Variants in DOCK3 observed in about 807,000 individuals in gnomAD.
The protein encoded by DOCK3 is dedicator of cytokinesis protein 3.
A neutral mutation model predicts 265.6 loss-of-function variants in DOCK3; 60 were observed. The ratio of observed to expected loss-of-function variants is 0.23; its 90% CI spans 0.18 to 0.28. The LOEUF (loss-of-function observed/expected upper bound fraction) is 0.28, where lower values mean the gene tolerates loss of function less well. Among genes scored for constraint, DOCK3 ranks in the 10% least tolerant of loss-of-function variants. DOCK3 has a pLI of 1.00. For missense variants in DOCK3, 1,981 were observed against 2,594.3 expected (o/e 0.76, Z 5.14); for synonymous variants, 881 against 938.0 (o/e 0.94, Z 1.11).
At chr3:50,829,597 T>C (rs2107080535) in intron 2 of DOCK3, among the ~76,000 whole-genome samples, 1 of 152,304 alleles carries the variant, frequency 6.6e-6, no homozygotes, top group African/African-American at 2.4e-5. Flanking sequence ...GTCAGGTGAA[T>C]GAGGAGCTCA....
intron 43 of DOCK3, 140 bp from the exon 44 acceptor site, chr3:51,356,822 T>G: frequency 1.0e-6 from 1 of 996,106 alleles, no homozygotes; most frequent in Non-Finnish European, 1.5e-6. Flanking sequence ...ACAACAGAAG[T>G]GGAAAGGGTC....
At chr3:51,288,534 A>G (rs1347986531) in intron 27 of DOCK3, among the ~76,000 whole-genome samples, 1 of 152,188 alleles carries the variant, frequency 6.6e-6, no homozygotes, top group Non-Finnish European at 1.5e-5. Context: ...TCTGGACACC[A>G]AACCTCCATG....
chr3:51,302,283 A>G (rs925212309), intron 27 of DOCK3, among the ~76,000 whole-genome samples: 2 of 152,012 alleles, frequency 1.3e-5, no homozygotes, highest in Non-Finnish European at 2.9e-5. Flanking sequence ...TTGCTCGGTA[A>G]ATTTTTCTCC....
At chr3:50,852,998 T>C (rs2046413420) in intron 3 of DOCK3, among the ~76,000 whole-genome samples, 1 of 152,202 alleles carries the variant, frequency 6.6e-6, no homozygotes, top group Admixed American at 6.5e-5. Context: ...AATTGGGATA[T>C]ATCCATCACC....
At chr3:50,997,225 A>G (rs368651114) in intron 5 of DOCK3, among the ~76,000 whole-genome samples, 12 of 152,230 alleles carry the variant, frequency 7.9e-5, no homozygotes, top group African/African-American at 2.9e-4. Flanking sequence ...AATTTTCATT[A>G]TGCCAAACAT....
At chr3:50,840,197 C>G (rs1274362593) in intron 2 of DOCK3, among the ~76,000 whole-genome samples, 1 of 152,140 alleles carries the variant, frequency 6.6e-6, no homozygotes, top group Non-Finnish European at 1.5e-5. Flanking sequence ...TTAACAATGC[C>G]TTTCACAGAG....
At chr3:51,067,454 T>C (rs865877895) in intron 6 of DOCK3, among the ~76,000 whole-genome samples, 6 of 149,860 alleles carry the variant, frequency 4.0e-5, no homozygotes, top group African/African-American at 7.6e-5. Context: ...TGTGTGTGTG[T>C]GTGCGCGCGC....
At chr3:51,200,089 CAG>C (rs972306237) in intron 12 of DOCK3, among the ~76,000 whole-genome samples, 4 of 152,030 alleles carry the variant, frequency 2.6e-5, no homozygotes, top group African/African-American at 9.7e-5. Context: ...GGGGAAAAAA[CAG>C]AGCAGAAAAA....
At chr3:51,042,987 A>G (rs2080600065) in intron 5 of DOCK3, among the ~76,000 whole-genome samples, 1 of 152,246 alleles carries the variant, frequency 6.6e-6, no homozygotes, top group South Asian at 2.1e-4. Flanking sequence ...CATGGATAGG[A>G]AGAACCAATA....
intron 5 of DOCK3, among the ~76,000 whole-genome samples, chr3:50,945,184 C>T (rs1159766216): frequency 6.6e-6 from 1 of 152,036 alleles, no homozygotes; most frequent in Non-Finnish European, 1.5e-5. Context: ...ACAACTGAAG[C>T]GTTTTATAAT....
At chr3:51,204,930 A>T (rs1474410098) in intron 12 of DOCK3, among the ~76,000 whole-genome samples, 1 of 147,720 alleles carries the variant, frequency 6.8e-6, no homozygotes, top group Non-Finnish European at 1.5e-5. Context: ...AAAACCAAAC[A>T]CCGCATGTTC....
chr3:50,697,580 A>G lies in DOCK3; in HGVS notation c.37+22280A>G, dbSNP rs1007560861. On this transcript the variant is annotated intron_variant, in intron 1 of 52. Transcript: ENST00000266037. ...CACTCCAGCCTGGGCAATAAGAGCA[A>G]AACTCCGTCTCAAAAACAAACCAAC... 2.0e-4 allele frequency among the ~76,000 whole-genome samples: 31 copies of G among 152,258 alleles called. 2 individuals carry two copies. The highest frequency in any genetic ancestry group is 2.0e-3 in the Admixed American group (31 of 15,300).
At chr3:50,948,901 T>A (rs1042069075) in intron 5 of DOCK3, among the ~76,000 whole-genome samples, 5 of 152,210 alleles carry the variant, frequency 3.3e-5, no homozygotes, top group African/African-American at 1.2e-4. Context: ...GACTGTGGTA[T>A]TAAAAGGATG....
chr3:50,861,380 C>A (rs1161049613), intron 3 of DOCK3, among the ~76,000 whole-genome samples: 2 of 152,096 alleles, frequency 1.3e-5, no homozygotes, highest in African/African-American at 4.8e-5. Context: ...ATGTCCCATG[C>A]GCAGATGAGA....
At chr3:50,903,195 A>G (rs912214718) in intron 4 of DOCK3, among the ~76,000 whole-genome samples, 2 of 152,284 alleles carry the variant, frequency 1.3e-5, no homozygotes. Flanking sequence ...AGAACTTCCA[A>G]TGCTGTGTTG....
intron 3 of DOCK3, among the ~76,000 whole-genome samples, chr3:50,842,574 G>A (rs1303688648): frequency 6.6e-6 from 1 of 151,776 alleles, no homozygotes; most frequent in East Asian, 1.9e-4. Context: ...CTTTATTGTG[G>A]GAGACAGTCT....
intron 5 of DOCK3, among the ~76,000 whole-genome samples, chr3:51,018,186 G>A (rs1166451483): frequency 6.6e-6 from 1 of 151,746 alleles, no homozygotes. Flanking sequence ...GCCACTGCTG[G>A]TTTTCTGTAT....
chr3:50,824,305 A>G (rs777555980), intron 2 of DOCK3, among the ~76,000 whole-genome samples: 9 of 152,224 alleles, frequency 5.9e-5, no homozygotes, highest in African/African-American at 1.9e-4. Context: ...GGGGAATTAT[A>G]TAAGAGTTTG....
At chr3:51,312,175 GT>G in intron 29 of DOCK3, 96 bp downstream of exon 29, 1 of 1,103,370 alleles carries the variant, frequency 9.1e-7, no homozygotes, top group South Asian at 1.4e-5. Context: ...TAGATTCATA[GT>G]ATCAAACAGC....
Sources: gnomAD v4.1 joint callset for allele counts (sites outside exome capture counted in the v4.1 genomes callset) on GRCh38, gnomAD v4.1.1 for gene constraint, MANE v1.5 for transcripts, NCBI Gene and HGNC (gene_info 2026-07-23, HGNC 2026-07-21) for gene names.